Variants in DDB1 observed in about 807,000 individuals in gnomAD.
The protein encoded by DDB1 is DNA damage-binding protein 1.
In DDB1, 18 loss-of-function variants were observed where a neutral mutation model predicts 133.1. That is an observed-to-expected ratio of 0.14 (90% CI 0.09 to 0.20). The LOEUF (loss-of-function observed/expected upper bound fraction) is 0.20. Ranked by LOEUF, DDB1 falls within the 10% of genes least tolerant of loss-of-function variation. DDB1 has a pLI of 1.00. For synonymous variants in DDB1, 580 were observed against 550.5 expected, an observed-to-expected ratio of 1.05 and a Z score of -0.75; for missense variants, 828 against 1,459.2, an observed-to-expected ratio of 0.57 and a Z score of 7.05.
rs528357250 is a variant in DDB1 at position 61,300,756 on chromosome 11, C to A, written c.3339+53G>T. 284 of 1,604,960 alleles carry A rather than the reference C, an allele frequency of 1.8e-4. 1 individual carries two copies. Among genetic ancestry groups the A allele is most frequent in the Middle Eastern group, 1.5e-3 (9 of 5,928 alleles). Reference sequence around the variant, plus strand: ...TGCCCAGAGACAGTCTCCTGGCATGCCCCAACCTGCAGTGGACTTGTCTGG... The same window carrying A: ...TGCCCAGAGACAGTCTCCTGGCATGACCCAACCTGCAGTGGACTTGTCTGG... On this transcript the variant is annotated intron_variant, in intron 26 of 26. Coordinates refer to ENST00000301764, the MANE Select transcript of DDB1 (RefSeq NM_001923.5).
chr11:61,332,813 T>G (rs1422882792), intron 1 of DDB1, 95 bp downstream of exon 1: 1 of 1,173,016 alleles, frequency 8.5e-7, no homozygotes, highest in Non-Finnish European at 1.1e-6. Context: ...CCGGGCCCAC[T>G]CCTGCCCGGC....
chr11:61,332,927 G>C lies in DDB1; in HGVS notation c.42C>G (p.Ala14=). ...CCTCACCGGTCACGCAGCCGTTCAC[G>C]GCGGTGGGCTTCTGGGCCGTTACCA... The part of the protein sequence containing the change: ...NYVVTAQKPT[A]VNGCVTGHFT... Residue 14 remains alanine (A), a synonymous_variant, in exon 1 of 27, where the codon GCC becomes GCG. Transcript: ENST00000301764. The C allele has an allele frequency of 1.3e-6, 2 of 1,510,106 alleles. No individual in the cohort carries two copies. Among genetic ancestry groups the C allele is most frequent in the Non-Finnish European group, 1.8e-6 (2 of 1,123,038 alleles). The allele number at this position is 1,510,106 out of a possible 1,614,324, so 93.5% of individuals were successfully genotyped here. A position where few individuals can be genotyped will look rare whatever the true frequency, so the allele number is the denominator to read the frequency against.
intron 8 of DDB1, 56 bp downstream of exon 8, chr11:61,322,955 T>C (rs1856207399): frequency 8.4e-6 from 12 of 1,423,594 alleles, no homozygotes; most frequent in Middle Eastern, 1.8e-4. Context: ...AGGAGAAATT[T>C]GATGAAGAAA....
Position 61,303,112 on chromosome 11 carries a change from A to C in DDB1, c.2876T>G (p.Ile959Ser). Residue 959 changes from isoleucine to serine, a missense_variant, in exon 23 of 27, where the codon ATC becomes AGC. Around this residue, in one of 7 missense-constraint regions of DDB1, gnomAD observed 36 missense variants for 139.9 expected, o/e 0.26. Coordinates refer to ENST00000301764, the MANE Select transcript of DDB1 (RefSeq NM_001923.5). ...FNPNWMSAVEILDDDNFLGAE... is the reference protein window; with the variant it reads ...FNPNWMSAVESLDDDNFLGAE... ...CCCCAGAAAATTGTCATCATCCAAG[A>C]TTTCCACAGCACTCATCCAGTTGGG... is the stretch of plus-strand genomic sequence containing the variant. 1 of 1,614,214 alleles carries C rather than the reference A, an allele frequency of 6.2e-7. No homozygotes were observed. Among genetic ancestry groups the C allele is most frequent in the Non-Finnish European group, 8.5e-7 (1 of 1,180,030 alleles).
rs1222395591 is a variant in DDB1 at position 61,314,097 on chromosome 11, A to G, written c.1703T>C (p.Ile568Thr). The G allele has an allele frequency of 6.2e-7, 1 of 1,614,154 alleles. No individual in the cohort carries two copies. Among genetic ancestry groups the G allele is most frequent in the South Asian group, 1.1e-5 (1 of 91,078 alleles). The change falls in exon 14 of 27, where the codon ATC (isoleucine) becomes ACC (threonine). Residue 568 changes from isoleucine (I) to threonine (T), a missense_variant. Ile to Thr is a moderately conservative substitution (Grantham distance 89). This residue lies in a region of DDB1 where 396 missense variants were observed against 554.1 expected (regional missense o/e 0.71). Transcript: ENST00000301764. ...IGLWTDISAR[I>T]LKLPSFELLH... The stretch of plus-strand genomic sequence containing the variant: ...TAGTTCAAAAGAGGGCAACTTCAAG[A>G]TACGAGCCGAGATGTCCGTCCAGAG...
At chr11:61,314,635 T>A in intron 12 of DDB1, 149 bp from the exon 13 acceptor site, 1 of 780,482 alleles carries the variant, frequency 1.3e-6, no homozygotes, top group Non-Finnish European at 2.0e-6. Context: ...TGCTAATGAT[T>A]ACAATAGATG....
intron 22 of DDB1, chr11:61,303,465 G>A (rs1470261598): frequency 1.9e-5 from 6 of 318,002 alleles, no homozygotes; most frequent in Middle Eastern, 1.0e-3. Flanking sequence ...GTGGCGGGCC[G>A]ATTATGAGGT....
Position 61,329,426 on chromosome 11 carries a change from C to G in DDB1, c.486G>C (p.Leu162=). Residue 162 remains leucine (L), a synonymous_variant, in exon 4 of 27, where the codon CTG becomes CTC. Coordinates refer to ENST00000301764, the MANE Select transcript of DDB1 (RefSeq NM_001923.5). ...ATAGGAACTTGACATCAATGACATG[C>G]AGCTCCTCCAGGCGGATGTTGAAGG... ...LKAFNIRLEE[L]HVIDVKFLYG... 6.2e-7 allele frequency: 1 copy of G among 1,614,182 alleles called. No individual in the cohort carries two copies. The highest frequency in any genetic ancestry group is 8.5e-7 in the Non-Finnish European group (1 of 1,180,024).
At chr11:61,313,422 T>A in intron 16 of DDB1, 77 bp downstream of exon 16, 1 of 1,339,816 alleles carries the variant, frequency 7.5e-7, no homozygotes, top group East Asian at 2.3e-5. Context: ...GAAAAAGGCT[T>A]TGAGGTAAGG....
intron 5 of DDB1, chr11:61,326,309 T>G: frequency 4.3e-6 from 1 of 232,822 alleles, no homozygotes; most frequent in Non-Finnish European, 8.4e-6. Flanking sequence ...TTGCTCCCTT[T>G]CAGTTTTTTG....
intron 2 of DDB1, among the ~76,000 whole-genome samples, chr11:61,330,367 C>T (rs1463450768): frequency 6.6e-6 from 1 of 152,146 alleles, no homozygotes; most frequent in Non-Finnish European, 1.5e-5. Flanking sequence ...TCAATCATCC[C>T]ATTCAAATTC....
intron 10 of DDB1, among the ~76,000 whole-genome samples, chr11:61,318,383 A>T (rs1856124238): frequency 6.6e-6 from 1 of 152,182 alleles, no homozygotes; most frequent in Non-Finnish European, 1.5e-5. Context: ...GATATTGCCC[A>T]ATTCCCTTCT....
chr11:61,309,755 C>T (rs1169660320), intron 20 of DDB1, 41 bp downstream of exon 20: 1 of 1,593,032 alleles, frequency 6.3e-7, no homozygotes, highest in Non-Finnish European at 8.6e-7. Context: ...ACTTTCTCAG[C>T]ATTTCACATC....
chr11:61,300,099 T>C lies in DDB1; in HGVS notation c.*37A>G, dbSNP rs777704235. 13 of 1,608,468 alleles carry C rather than the reference T, an allele frequency of 8.1e-6. No individual in the cohort carries two copies. Among genetic ancestry groups the C allele is most frequent in the Admixed American group, 1.7e-5 (1 of 59,980 alleles). The stretch of plus-strand genomic sequence containing the variant: ...AGGGGGAGGGCAGCAGGGCAAAGCC[T>C]TTGGGGAGGGTCAGCAAAGGGGCCC... On this transcript the variant is annotated 3_prime_UTR_variant, in exon 27 of 27. Transcript: ENST00000301764.
At position 61,314,193 on chromosome 11, in the gene DDB1, T is replaced by C. The variant is rs961427433; in HGVS notation, c.1607A>G (p.His536Arg). Residue 536 changes from histidine to arginine, a missense_variant, in exon 14 of 27, where the codon CAT becomes CGT. His to Arg is a conservative substitution (Grantham distance 29). Coordinates refer to ENST00000301764, the MANE Select transcript of DDB1 (RefSeq NM_001923.5). The part of the protein sequence containing the change: ...LRQISHTEME[H>R]EVACLDITPL... ...GGTGATGTCCAAGCAAGCCACTTCA[T>C]GTTCCATCTCTGTGTGGCTGAACAA... 1.9e-6 allele frequency: 3 copies of C among 1,607,602 alleles called. No homozygotes were observed. Among genetic ancestry groups the C allele is most frequent in the Non-Finnish European group, 2.5e-6 (3 of 1,176,702 alleles).
intron 4 of DDB1, 163 bp from the exon 5 acceptor site, chr11:61,327,056 TG>T: frequency 6.5e-6 from 4 of 618,322 alleles, no homozygotes; most frequent in Non-Finnish European, 1.2e-5. Flanking sequence ...TAGCTGAGCC[TG>T]GGATGAATTC....
intron 6 of DDB1, among the ~76,000 whole-genome samples, chr11:61,324,710 G>A (rs1373681239): frequency 6.6e-6 from 1 of 152,168 alleles, no homozygotes; most frequent in Non-Finnish European, 1.5e-5. Flanking sequence ...TTCTCAAAAA[G>A]AAAGTAAAAT....
At chr11:61,332,670 G>A (rs1362528374) in intron 1 of DDB1, 5 of 399,634 alleles carry the variant, frequency 1.3e-5, no homozygotes, top group African/African-American at 6.2e-5. Context: ...TGTTCTCGAG[G>A]CCGAATGACC....
intron 2 of DDB1, among the ~76,000 whole-genome samples, chr11:61,330,448 A>C (rs1856348559): frequency 6.6e-6 from 1 of 152,192 alleles, no homozygotes; most frequent in South Asian, 2.1e-4. Context: ...AAATGTGGGA[A>C]TAACAACGGA....
Sources: gnomAD v4.1 joint callset for allele counts (sites outside exome capture counted in the v4.1 genomes callset) on GRCh38, gnomAD v4.1.1 for gene constraint, gnomAD v4.1.1 regional missense constraint, MANE v1.5 for transcripts, NCBI Gene and HGNC (gene_info 2026-07-23, HGNC 2026-07-21) for gene names.